LILRB4: variants seen among roughly 807,000 people sequenced by gnomAD.
LILRB4 encodes the protein leukocyte immunoglobulin like receptor B4.
Under a neutral mutation model 55.2 loss-of-function variants are expected in LILRB4, and 49 were observed. The ratio of observed to expected loss-of-function variants is 0.89; its 90% CI spans 0.71 to 1.13. LILRB4 has a LOEUF of 1.13. Among genes scored for constraint, LILRB4 ranks in the 50% most tolerant of loss-of-function variants. The probability of loss-of-function intolerance (pLI) is 0.00; values close to 1 mark genes in which losing one functional copy is unlikely to be tolerated. For synonymous variants in LILRB4, 229 were observed against 213.8 expected, an observed-to-expected ratio of 1.07 and a Z score of -0.62; for missense variants, 590 against 555.2, an observed-to-expected ratio of 1.06 and a Z score of -0.63.
rs1424258825 is a variant in LILRB4, at chr19:54,666,325, C to A, written c.950+10C>A. On this transcript the variant is annotated intron_variant, in intron 8 of 11. Coordinates refer to ENST00000430952, the Ensembl canonical transcript of LILRB4. The surrounding 1 kb of genome is among the most constrained non-coding windows in gnomAD (Gnocchi z 4.8). ...GGGGCCTACAGAGGAGGTAATTCTG[C>A]CCAAAGACCTCAGACTCCCACCCAT... 2.5e-6 allele frequency: 4 copies of A among 1,608,836 alleles called. No individual in the cohort carries two copies. The African/African-American group carries it at 4.0e-5, about 16-fold the overall frequency.
At position 54,666,057 on chromosome 19, in the gene LILRB4, A is replaced by G. The variant is rs2146401104; in HGVS notation, c.874+126A>G. 7.3e-7 allele frequency: 1 copy of G among 1,370,384 alleles called. No individual in the cohort carries two copies. The highest frequency in any genetic ancestry group is 1.0e-6 in the Non-Finnish European group (1 of 994,410). The allele number at this position is 1,370,384 out of a possible 1,614,324, so 84.9% of individuals were successfully genotyped here. A position where few individuals can be genotyped will look rare whatever the true frequency, so the allele number is the denominator to read the frequency against. ...CCAGAAATTCCCAGTGAGAAAATCT[A>G]GAAAGAAGAAAATGAATGAGGGAGT... On this transcript the variant is annotated intron_variant, in intron 7 of 11. Transcript: ENST00000430952. The surrounding 1 kb of genome is among the most constrained non-coding windows in gnomAD (Gnocchi z 4.8).
exon 3 of LILRB4, chr19:54,663,925 C>T: frequency 6.2e-7 from 1 of 1,614,112 alleles, no homozygotes; most frequent in East Asian, 2.2e-5. Context: ...AAGAACAAGG[C>T]CAGATTCTCC....
intron 10 of LILRB4, chr19:54,667,366 C>A: frequency 3.1e-6 from 2 of 651,450 alleles, no homozygotes; most frequent in Non-Finnish European, 5.3e-6. Flanking sequence ...CCCCTGCAGG[C>A]AGAGGAAACA....
In LILRB4 at chr19:54,665,715, G is replaced by C; in HGVS notation, c.758-100G>C. 1 of 1,355,396 alleles carries C rather than the reference G, an allele frequency of 7.4e-7. No homozygotes were observed. 84.0% of individuals were successfully genotyped at this position (1,355,396 alleles called of 1,614,324 possible). A position where few individuals can be genotyped will look rare whatever the true frequency, so the allele number is the denominator to read the frequency against. ...GGTTGCACAACTGCTGTGAGGGTTGGAGGTAATGAAAGAAAGACCCAGCAC... is the reference window on the plus strand; with the variant it reads ...GGTTGCACAACTGCTGTGAGGGTTGCAGGTAATGAAAGAAAGACCCAGCAC... On this transcript the variant is annotated intron_variant, in intron 6 of 11. Transcript: ENST00000430952. The surrounding 1 kb of genome is among the most constrained non-coding windows in gnomAD (Gnocchi z 5.5).
rs551689398 is a variant in LILRB4 at position 54,666,066 on chromosome 19, A to G, written c.874+135A>G. On this transcript the variant is annotated intron_variant, in intron 7 of 11. Coordinates refer to ENST00000430952, the Ensembl canonical transcript of LILRB4. This position sits in a 1 kb window ranked among gnomAD's most constrained non-coding sequence, Gnocchi z 4.8. ...CCCAGTGAGAAAATCTAGAAAGAAG[A>G]AAATGAATGAGGGAGTAATGGAAGT... 47 of 1,327,216 alleles carry G rather than the reference A, an allele frequency of 3.5e-5. No individual in the cohort carries two copies. In the African/African-American group the frequency reaches 6.5e-4, roughly 18 times the overall value. 82.2% of individuals were successfully genotyped at this position (1,327,216 alleles called of 1,614,324 possible). A position where few individuals can be genotyped will look rare whatever the true frequency, so the allele number is the denominator to read the frequency against.
Position 54,666,912 on chromosome 19 carries a change from C to A in LILRB4, c.1041+163C>A. 1 of 806,374 alleles carries A rather than the reference C, an allele frequency of 1.2e-6. No individual in the cohort carries two copies. The highest frequency in any genetic ancestry group is 2.2e-6 in the Non-Finnish European group (1 of 450,062). The allele number at this position is 806,374 out of a possible 1,614,324, so 50.0% of individuals were successfully genotyped here. A position where few individuals can be genotyped will look rare whatever the true frequency, so the allele number is the denominator to read the frequency against. Reference sequence around the variant, plus strand: ...CCTGCTGGGACCTCACTCTCTCCTGCTGTCCTGGGACCTCATGGGCCTCCT... The same window carrying A: ...CCTGCTGGGACCTCACTCTCTCCTGATGTCCTGGGACCTCATGGGCCTCCT... On this transcript the variant is annotated intron_variant, in intron 10 of 11. Transcript: ENST00000430952. This position sits in a 1 kb window ranked among gnomAD's most constrained non-coding sequence, Gnocchi z 4.8.
At position 54,666,707 on chromosome 19, in the gene LILRB4, G is replaced by A. The variant is rs2065283103; in HGVS notation, c.999G>A (p.Val333=). 6.2e-7 allele frequency: 1 copy of A among 1,614,184 alleles called. No homozygotes were observed. The highest frequency in any genetic ancestry group is 2.2e-5 in the East Asian group (1 of 44,878). The change falls in exon 10 of 12, where the codon GTG becomes GTA. Residue 333 remains valine, a synonymous_variant. Transcript: ENST00000430952. The surrounding 1 kb of genome is among the most constrained non-coding windows in gnomAD (Gnocchi z 4.8). ...GCTCTACCCCAGCAGGTGCTGCCGT[G>A]AAGAACACACAGCCTGAGGACGGGG...
rs1476426708 is a variant in LILRB4 at position 54,666,696 on chromosome 19, G to C, written c.989-1G>C. On this transcript the variant is annotated splice_acceptor_variant, in intron 9 of 11. Transcript: ENST00000430952. LOFTEE classifies it high-confidence loss of function. The surrounding 1 kb of genome is among the most constrained non-coding windows in gnomAD (Gnocchi z 4.8). ...ATGAACCCCTTGCTCTACCCCAGCAGGTGCTGCCGTGAAGAACACACAGCC... is the reference window on the plus strand; with the variant it reads ...ATGAACCCCTTGCTCTACCCCAGCACGTGCTGCCGTGAAGAACACACAGCC... 1 of 1,614,150 alleles carries C rather than the reference G, an allele frequency of 6.2e-7. No homozygotes were observed. Among genetic ancestry groups the C allele is most frequent in the Non-Finnish European group, 8.5e-7 (1 of 1,179,972 alleles).
chr19:54,666,804 C>A lies in LILRB4; in HGVS notation c.1041+55C>A, dbSNP rs568674439. On this transcript the variant is annotated intron_variant, in intron 10 of 11. Transcript: ENST00000430952. This position sits in a 1 kb window ranked among gnomAD's most constrained non-coding sequence, Gnocchi z 4.8. ...AAGGCCTCCTGGTGCCAGATCTAATCCTGCAGGACTTCTCTGTCCTCCTTC... is the reference window on the plus strand; with the variant it reads ...AAGGCCTCCTGGTGCCAGATCTAATACTGCAGGACTTCTCTGTCCTCCTTC... 6.6e-7 allele frequency: 1 copy of A among 1,510,160 alleles called. No individual in the cohort carries two copies. The highest frequency in any genetic ancestry group is 2.3e-5 in the East Asian group (1 of 44,360). 93.5% of individuals were successfully genotyped at this position (1,510,160 alleles called of 1,614,324 possible).
Position 54,665,489 on chromosome 19 carries a change from G to A in LILRB4, c.757+309G>A, listed in dbSNP as rs138453842. Among the ~76,000 whole-genome samples the A allele has an allele frequency of 1.6e-4, 25 of 152,194 alleles. No individual in the cohort carries two copies. The South Asian group carries it at 3.5e-3, about 21-fold the overall frequency. On this transcript the variant is annotated intron_variant, in intron 6 of 11. Coordinates refer to ENST00000430952, the Ensembl canonical transcript of LILRB4. This position sits in a 1 kb window ranked among gnomAD's most constrained non-coding sequence, Gnocchi z 5.5. ...CTGGGGCAGGGGAGGGGAGCAGGGC[G>A]GTGGTTCAAGACAGTCAGGCTCTTT...
intron 10 of LILRB4, chr19:54,667,124 C>T (rs1169041566): frequency 5.1e-6 from 3 of 591,062 alleles, no homozygotes; most frequent in Non-Finnish European, 9.8e-6. Context: ...GCTGCAGACA[C>T]AGCAGGGAGC....
chr19:54,666,455 A>AG lies in LILRB4; in HGVS notation c.988+21dup, dbSNP rs1368086956. 1 of 1,614,012 alleles carries AG rather than the reference A, an allele frequency of 6.2e-7. No individual in the cohort carries two copies. Among genetic ancestry groups the AG allele is most frequent in the Admixed American group, 1.7e-5 (1 of 60,018 alleles). The stretch of plus-strand genomic sequence containing the variant: ...AACTTCTGTGAGTGAGAGGCAGAGA[A>AG]GGTGCACCTGGGGTGGAGCTGGGGG... On this transcript the variant is annotated intron_variant, in intron 9 of 11. Coordinates refer to ENST00000430952, the Ensembl canonical transcript of LILRB4. This position sits in a 1 kb window ranked among gnomAD's most constrained non-coding sequence, Gnocchi z 4.8.
Position 54,665,980 on chromosome 19 carries a change from G to A in LILRB4, c.874+49G>A, listed in dbSNP as rs2065246495. 3 of 1,611,684 alleles carry A rather than the reference G, an allele frequency of 1.9e-6. No homozygotes were observed. Among genetic ancestry groups the A allele is most frequent in the Middle Eastern group, 1.7e-4 (1 of 6,044 alleles). On this transcript the variant is annotated intron_variant, in intron 7 of 11. Coordinates refer to ENST00000430952, the Ensembl canonical transcript of LILRB4. The surrounding 1 kb of genome is among the most constrained non-coding windows in gnomAD (Gnocchi z 5.5). ...GTGGGCTGATGGAGGGTGGGCTCAGGGCACCAGCCAAAGGGACTCCAGATA... is the reference window on the plus strand; with the variant it reads ...GTGGGCTGATGGAGGGTGGGCTCAGAGCACCAGCCAAAGGGACTCCAGATA...
At chr19:54,664,767 G>T (rs370649271) in intron 4 of LILRB4, 32 bp from the exon 5 acceptor site, 33 of 1,518,630 alleles carry the variant, frequency 2.2e-5, no homozygotes, top group South Asian at 5.1e-5. Flanking sequence ...GGCAACCCCA[G>T]ACTCTCACCC....
Position 54,666,340 on chromosome 19 carries a change from C to G in LILRB4, c.950+25C>G. 1.2e-6 allele frequency: 2 copies of G among 1,610,208 alleles called. No individual in the cohort carries two copies. The highest frequency in any genetic ancestry group is 1.1e-5 in the South Asian group (1 of 90,582). On this transcript the variant is annotated intron_variant, in intron 8 of 11. Coordinates refer to ENST00000430952, the Ensembl canonical transcript of LILRB4. This position sits in a 1 kb window ranked among gnomAD's most constrained non-coding sequence, Gnocchi z 4.8. ...GGTAATTCTGCCCAAAGACCTCAGA[C>G]TCCCACCCATCCCAACAGCCACCTC...
chr19:54,663,533 G>T, exon 2 of LILRB4: 2 of 1,613,100 alleles, frequency 1.2e-6, no homozygotes, highest in Non-Finnish European at 1.7e-6. Flanking sequence ...CTCTTCCAGG[G>T]CTGAGTCTGG....
Position 54,666,759 on chromosome 19 carries a change from C to T in LILRB4, c.1041+10C>T, listed in dbSNP as rs191012579. 111 of 1,613,764 alleles carry T rather than the reference C, an allele frequency of 6.9e-5. No individual in the cohort carries two copies. The African/African-American group carries it at 9.6e-4, about 14-fold the overall frequency. On this transcript the variant is annotated intron_variant, in intron 10 of 11. Transcript: ENST00000430952. This position sits in a 1 kb window ranked among gnomAD's most constrained non-coding sequence, Gnocchi z 4.8. The stretch of plus-strand genomic sequence containing the variant: ...GGAAATGGACACTCGGGTGAGAACC[C>T]GCCCCTGTCCCCGGCACCAAAGGCC...
exon 12 of LILRB4, chr19:54,668,059 G>C (rs749074032): frequency 1.9e-6 from 3 of 1,611,932 alleles, no homozygotes; most frequent in Middle Eastern, 1.7e-4. Context: ...TGGAGACTCA[G>C]GACCCCAGAA....
intron 1 of LILRB4, 116 bp downstream of exon 1, chr19:54,663,183 A>AT (rs2065081584): frequency 6.7e-5 from 82 of 1,216,510 alleles, no homozygotes; most frequent in Non-Finnish European, 9.1e-5. Flanking sequence ...GCGGTGGCTC[A>AT]CGCCTGTAAT....
Sources: gnomAD v4.1 joint callset for allele counts (sites outside exome capture counted in the v4.1 genomes callset) on GRCh38, gnomAD v4.1.1 for gene constraint, Gnocchi (gnomAD v3.1) non-coding constraint, MANE v1.5 for transcripts, NCBI Gene and HGNC (gene_info 2026-07-23, HGNC 2026-07-21) for gene names.